The following ZFPM2 variants were observed in gnomAD, a reference collection of about 807,000 sequenced individuals.
The protein encoded by ZFPM2 is zinc finger protein, FOG family member 2, also known as zinc finger protein ZFPM2.
Under a neutral mutation model 98.6 loss-of-function variants are expected in ZFPM2, and 20 were observed. The ratio of observed to expected loss-of-function variants is 0.20; its 90% CI spans 0.14 to 0.29. The LOEUF is 0.29. Among genes scored for constraint, ZFPM2 ranks in the 10% least tolerant of loss-of-function variants. The pLI, the probability that ZFPM2 is intolerant of heterozygous loss-of-function variation, is 1.00. For missense variants in ZFPM2, 1,310 were observed against 1,388.6 expected, an observed-to-expected ratio of 0.94 and a Z score of 0.90; for synonymous variants, 518 against 502.7, an observed-to-expected ratio of 1.03 and a Z score of -0.41.
At chr8:105,612,388 T>G (rs1016169135) in intron 4 of ZFPM2, among the ~76,000 whole-genome samples, 1 of 150,586 alleles carries the variant, frequency 6.6e-6, no homozygotes, top group African/African-American at 2.4e-5. Flanking sequence ...AAAAAAAAAA[T>G]GCCCATAAAT....
intron 1 of ZFPM2, among the ~76,000 whole-genome samples, chr8:105,361,607 C>T (rs187605536): frequency 6.6e-6 from 1 of 151,966 alleles, no homozygotes; most frequent in Non-Finnish European, 1.5e-5. Context: ...GTAACATCAC[C>T]TAAATAATAC....
At position 105,475,367 on chromosome 8, in the gene ZFPM2, CTT is replaced by C. The variant is rs1340557533; in HGVS notation, c.301+30987_301+30988del. On this transcript the variant is annotated intron_variant, in intron 3 of 7. Coordinates refer to ENST00000407775, the MANE Select transcript of ZFPM2 (RefSeq NM_012082.4). ...CGTTTGACCTAGAAATTAGGAAACA[CTT>C]CGGTGCTCCCTCTTGGTACCCCGTG... 8.5e-5 allele frequency among the ~76,000 whole-genome samples: 13 copies of C among 152,322 alleles called. No individual in the cohort carries two copies. The East Asian group carries it at 2.5e-3, about 29-fold the overall frequency.
At chr8:105,376,927 C>A (rs762411954) in intron 1 of ZFPM2, among the ~76,000 whole-genome samples, 2 of 152,192 alleles carry the variant, frequency 1.3e-5, no homozygotes, top group Non-Finnish European at 2.9e-5. Context: ...CTTCCCAATG[C>A]AATTAGAATA....
chr8:105,452,495 C>T (rs559691352), intron 3 of ZFPM2, among the ~76,000 whole-genome samples: 89 of 152,036 alleles, frequency 5.9e-4, no homozygotes, highest in Admixed American at 1.2e-3. Context: ...TGCCTGTAAT[C>T]CCAGTGCTTT....
intron 5 of ZFPM2, among the ~76,000 whole-genome samples, chr8:105,712,386 A>G (rs1290051815): frequency 5.9e-5 from 9 of 152,092 alleles, no homozygotes; most frequent in Admixed American, 3.3e-4. Flanking sequence ...ATTAGACTCT[A>G]TCTTGTAGAT....
rs34170034 is a variant in ZFPM2 at position 105,710,663 on chromosome 8, TTGTGTGTGTGTGTGTG to T, written c.532+76330_532+76345del. On this transcript the variant is annotated intron_variant, in intron 5 of 7. Transcript: ENST00000407775. ...TTAACATTTCTAAAAATGCACAAAATTGTGTGTGTGTGTGTGTGTGTGTGTGTGTGTGTGTGTGTAT... is the reference window on the plus strand; with the variant it reads ...TTAACATTTCTAAAAATGCACAAAATTGTGTGTGTGTGTGTGTGTGTGTAT... Among the ~76,000 whole-genome samples the T allele has an allele frequency of 6.0e-3, 859 of 143,898 alleles. 4 individuals are homozygous for T. The highest frequency in any genetic ancestry group is 9.3e-3 in the Non-Finnish European group (607 of 64,996). 94.4% of individuals were successfully genotyped at this position (143,898 alleles called of 152,430 possible).
At chr8:105,373,356 T>G (rs1288465846) in intron 1 of ZFPM2, among the ~76,000 whole-genome samples, 1 of 152,230 alleles carries the variant, frequency 6.6e-6, no homozygotes, top group Non-Finnish European at 1.5e-5. Context: ...GCATTCCAAG[T>G]TCAGTTATTA....
At chr8:105,694,239 G>T (rs1810963808) in intron 5 of ZFPM2, among the ~76,000 whole-genome samples, 1 of 151,854 alleles carries the variant, frequency 6.6e-6, no homozygotes, top group Non-Finnish European at 1.5e-5. Context: ...GCCCCCCGCG[G>T]CCTCCCAAAG....
At chr8:105,597,236 C>A (rs1006170810) in intron 4 of ZFPM2, among the ~76,000 whole-genome samples, 1 of 151,924 alleles carries the variant, frequency 6.6e-6, no homozygotes, top group African/African-American at 2.4e-5. Flanking sequence ...TGGCAGGAGT[C>A]GACATGGTCA....
At chr8:105,704,463 T>C (rs1192160480) in intron 5 of ZFPM2, among the ~76,000 whole-genome samples, 1 of 152,150 alleles carries the variant, frequency 6.6e-6, no homozygotes, top group East Asian at 1.9e-4. Flanking sequence ...AGATGCAGAA[T>C]TAAGCTATAT....
intron 1 of ZFPM2, among the ~76,000 whole-genome samples, chr8:105,354,578 G>A (rs1812705752): frequency 6.6e-6 from 1 of 152,164 alleles, no homozygotes; most frequent in South Asian, 2.1e-4. Context: ...TTGAACATCT[G>A]TATGTTCAAA....
intron 4 of ZFPM2, among the ~76,000 whole-genome samples, chr8:105,562,314 T>TAATAAATAAATAAATA (rs35570669): frequency 5.4e-5 from 8 of 147,718 alleles, no homozygotes; most frequent in Admixed American, 3.4e-4. Context: ...CATCTCAAAA[T>TAATAAATAAATAAATA]AATAAATAAA....
intron 5 of ZFPM2, among the ~76,000 whole-genome samples, chr8:105,651,818 T>TA (rs907541879): frequency 5.3e-5 from 8 of 152,206 alleles, no homozygotes; most frequent in African/African-American, 1.9e-4. Context: ...ACTCTAGTGT[T>TA]ACCTGATTGA....
intron 4 of ZFPM2, among the ~76,000 whole-genome samples, chr8:105,594,370 T>C (rs1398635806): frequency 6.6e-6 from 1 of 152,146 alleles, no homozygotes; most frequent in African/African-American, 2.4e-5. Flanking sequence ...AGAATGGACC[T>C]TTTACTTTTA....
rs34543965 is a variant in ZFPM2 at position 105,634,016 on chromosome 8, GA to G, written c.421-218del. Reference sequence around the variant, plus strand: ...GGAGATCTGATTCAGTATCATTTAGGAAAAAAAAAAAATCCTTGATAATATT... The same window carrying G: ...GGAGATCTGATTCAGTATCATTTAGGAAAAAAAAAAATCCTTGATAATATT... On this transcript the variant is annotated intron_variant, in intron 4 of 7. Transcript: ENST00000407775. Among the ~76,000 whole-genome samples, 234 of 146,958 alleles carry G rather than the reference GA, an allele frequency of 1.6e-3. 1 individual carries two copies. The highest frequency in any genetic ancestry group is 7.6e-3 in the East Asian group (38 of 4,982).
chr8:105,522,866 G>T (rs1323152922), intron 3 of ZFPM2, among the ~76,000 whole-genome samples: 1 of 152,148 alleles, frequency 6.6e-6, no homozygotes, highest in East Asian at 1.9e-4. Context: ...GAAAGCTTTT[G>T]TGTGAAACTG....
At chr8:105,776,235 T>C (rs1226832801) in intron 5 of ZFPM2, among the ~76,000 whole-genome samples, 1 of 152,158 alleles carries the variant, frequency 6.6e-6, no homozygotes, top group African/African-American at 2.4e-5. Context: ...TGGCTTTGCT[T>C]TCCTTTTCTG....
chr8:105,412,962 A>G (rs981576921), intron 1 of ZFPM2, among the ~76,000 whole-genome samples: 19 of 151,872 alleles, frequency 1.3e-4, no homozygotes, highest in Non-Finnish European at 2.7e-4. Flanking sequence ...TAAAATTAGT[A>G]AAAACGTATT....
chr8:105,544,400 T>C (rs1454637912), intron 3 of ZFPM2, among the ~76,000 whole-genome samples: 1 of 152,164 alleles, frequency 6.6e-6, no homozygotes, highest in African/African-American at 2.4e-5. Context: ...TCCCTTGTAA[T>C]TGATTATGTG....
Sources: allele counts gnomAD v4.1 joint callset (sites outside exome capture counted in the v4.1 genomes callset), GRCh38; gene constraint gnomAD v4.1.1; transcripts MANE v1.5; gene names NCBI Gene and HGNC (gene_info 2026-07-23, HGNC 2026-07-21).